Variants in PSMD8 observed in about 807,000 individuals in gnomAD.
The protein encoded by PSMD8 is proteasome 26S subunit, non-ATPase 8.
PSMD8 carries 30 observed loss-of-function variants against 40.0 expected under a neutral mutation model. The observed-to-expected ratio is 0.75, with a 90% confidence interval of 0.56 to 1.02. The LOEUF (loss-of-function observed/expected upper bound fraction) is 1.02, where lower values mean the gene tolerates loss of function less well. Ranked by LOEUF, PSMD8 falls within the 50% of genes least tolerant of loss-of-function variation. The probability of loss-of-function intolerance (pLI) is 0.00; values close to 1 mark genes in which losing one functional copy is unlikely to be tolerated. For missense variants in PSMD8, 461 were observed against 463.9 expected (o/e 0.99, Z 0.06); for synonymous variants, 208 against 192.5 (o/e 1.08, Z -0.67).
Position 38,378,323 on chromosome 19 carries a change from C to T in PSMD8, c.537-917C>T, listed in dbSNP as rs563820265. On this transcript the variant is annotated intron_variant, in intron 3 of 6. Coordinates refer to ENST00000215071, the MANE Select transcript of PSMD8 (RefSeq NM_002812.5). ...GAGGTTGAGACCATCCTGGCTAACA[C>T]GGTGAAACCCTGTCTCTAAAAGAAA... 3.3e-5 allele frequency among the ~76,000 whole-genome samples: 5 copies of T among 151,420 alleles called. No homozygotes were observed. In the South Asian group the frequency reaches 6.3e-4, roughly 19 times the overall value.
At chr19:38,376,879 C>G (rs963176856) in intron 3 of PSMD8, among the ~76,000 whole-genome samples, 16 of 152,248 alleles carry the variant, frequency 1.1e-4, no homozygotes, top group Non-Finnish European at 2.1e-4. Context: ...GCTCACACCC[C>G]TCTGCCTGTG....
Position 38,379,197 on chromosome 19 carries a change from C to T in PSMD8, c.537-43C>T, listed in dbSNP as rs1352488997. 2 of 1,597,842 alleles carry T rather than the reference C, an allele frequency of 1.3e-6. 1 individual carries two copies. The highest frequency in any genetic ancestry group is 2.2e-5 in the South Asian group (2 of 89,300). ...GCCTGGGGTAGAGGGCTCGCTAGGC[C>T]CTTAAATCCTCCTTAACCTGCTTCC... On this transcript the variant is annotated intron_variant, in intron 3 of 6. Coordinates refer to ENST00000215071, the MANE Select transcript of PSMD8 (RefSeq NM_002812.5).
rs942309745 is a variant in PSMD8, at chr19:38,376,272, G to A, written c.433+40G>A. On this transcript the variant is annotated intron_variant, in intron 2 of 6. Transcript: ENST00000215071. ...GGTTGGTTGGGGGTGATAATCTGGG[G>A]GTCATGGCAGGAATGGTAGCACTGG... is the stretch of plus-strand genomic sequence containing the variant. 7.1e-6 allele frequency: 11 copies of A among 1,551,292 alleles called. No homozygotes were observed. In the African/African-American group the frequency reaches 1.2e-4, roughly 17 times the overall value.
Position 38,374,650 on chromosome 19 carries a change from C to G in PSMD8, c.49C>G (p.Arg17Gly). ...APRAPPRERRRATRGGLRQVV... is the reference protein window; with the variant it reads ...APRAPPRERRGATRGGLRQVV... Reference sequence around the variant, plus strand: ...GAGGGCGCCACCTCGAGAGCGACGGCGGGCTACCCGGGGCGGGCTGAGGCA... The same window carrying G: ...GAGGGCGCCACCTCGAGAGCGACGGGGGGCTACCCGGGGCGGGCTGAGGCA... Residue 17 changes from arginine (R) to glycine (G), a missense_variant, in exon 1 of 7, where the codon CGG (arginine) becomes GGG (glycine). Physicochemically the swap from Arg to Gly is moderately radical, Grantham distance 125 (BLOSUM62 -2). Transcript: ENST00000215071. 6 of 1,514,232 alleles carry G rather than the reference C, an allele frequency of 4.0e-6. No individual in the cohort carries two copies. The highest frequency in any genetic ancestry group is 4.4e-6 in the Non-Finnish European group (5 of 1,138,602). The allele number at this position is 1,514,232 out of a possible 1,614,324, so 93.8% of individuals were successfully genotyped here. A position where few individuals can be genotyped will look rare whatever the true frequency, so the allele number is the denominator to read the frequency against.
intron 4 of PSMD8, 74 bp downstream of exon 4, chr19:38,379,479 G>A (rs957016824): frequency 6.3e-5 from 95 of 1,509,078 alleles, no homozygotes; most frequent in Non-Finnish European, 7.9e-5. Context: ...GGGCTTTCCT[G>A]AAGGAGTGGC....
intron 1 of PSMD8, 67 bp from the exon 2 acceptor site, chr19:38,376,093 G>T: frequency 7.0e-7 from 1 of 1,419,992 alleles, no homozygotes; most frequent in Admixed American, 1.9e-5. Context: ...CCAGAGCGTA[G>T]AGCAGGTAAG....
rs369447667 is a variant in PSMD8 at position 38,374,773 on chromosome 19, C to T, written c.172C>T (p.Leu58Phe). ...RRRCRKSGGL[L>F]AASRKMAAAA... ...GCGCTGCCGTAAATCAGGCGGTCTG[C>T]TTGCCGCATCACGCAAGATGGCGGC... is the stretch of plus-strand genomic sequence containing the variant. The change falls in exon 1 of 7, where the codon CTT becomes TTT. Residue 58 changes from leucine (L) to phenylalanine (F), a missense_variant. By Grantham distance (22) the Leu-to-Phe change is conservative. This residue lies in a region of PSMD8 where 225 missense variants were observed against 142.7 expected (regional missense o/e 1.58). Coordinates refer to ENST00000215071, the MANE Select transcript of PSMD8 (RefSeq NM_002812.5). 1.5e-5 allele frequency: 23 copies of T among 1,568,120 alleles called. No homozygotes were observed. The African/African-American group carries it at 2.2e-4, about 15-fold the overall frequency.
Position 38,380,994 on chromosome 19 carries a change from T to C in PSMD8, c.798T>C (p.Thr266=), listed in dbSNP as rs1222455915. 1 of 1,575,562 alleles carries C rather than the reference T, an allele frequency of 6.3e-7. No individual in the cohort carries two copies. ...YTFFIDILLD[T]IRDEIAGCIE... ...TCTTCATTGACATCCTGCTCGACAC[T>C]ATCAGGTGCGTAGCGGGGCCGGGCC... Residue 266 remains threonine, a synonymous_variant, in exon 5 of 7, where the codon ACT becomes ACC. Transcript: ENST00000215071.
intron 3 of PSMD8, among the ~76,000 whole-genome samples, chr19:38,376,700 T>A (rs1264628970): frequency 5.3e-5 from 8 of 152,196 alleles, no homozygotes; most frequent in Admixed American, 6.5e-5. Context: ...ACCTTTCACG[T>A]GTCCTGGCCC....
In PSMD8 at chr19:38,379,367, A is replaced by G; in HGVS notation, c.664A>G (p.Thr222Ala). The change falls in exon 4 of 7, where the codon ACC becomes GCC. Residue 222 changes from threonine to alanine, a missense_variant. Physicochemically the swap from Thr to Ala is moderately conservative, Grantham distance 58 (BLOSUM62 0). Coordinates refer to ENST00000215071, the MANE Select transcript of PSMD8 (RefSeq NM_002812.5). The part of the protein sequence containing the change: ...LERLPAKDIQ[T>A]NVYIKHPVSL... ...GCGGCTGCCTGCCAAGGACATACAGACCAATGTCTACATCAAGCACCCAGT... is the reference window on the plus strand; with the variant it reads ...GCGGCTGCCTGCCAAGGACATACAGGCCAATGTCTACATCAAGCACCCAGT... 6.2e-7 allele frequency: 1 copy of G among 1,613,930 alleles called. No homozygotes were observed. The highest frequency in any genetic ancestry group is 8.5e-7 in the Non-Finnish European group (1 of 1,179,870).
In PSMD8 at chr19:38,382,568, C is replaced by T; in HGVS notation, c.915+340C>T. ...TGAGCACGAGCAACGCTTGGTGTTG[C>T]AGGAGGAGGGCTGGGACCAGGCTAT... is the stretch of plus-strand genomic sequence containing the variant. On this transcript the variant is annotated intron_variant, in intron 6 of 6. Coordinates refer to ENST00000215071, the MANE Select transcript of PSMD8 (RefSeq NM_002812.5). 5.8e-6 allele frequency: 3 copies of T among 519,176 alleles called. No homozygotes were observed. The South Asian group carries it at 8.5e-5, about 15-fold the overall frequency. 32.2% of individuals were successfully genotyped at this position (519,176 alleles called of 1,614,324 possible). A position where few individuals can be genotyped will look rare whatever the true frequency, so the allele number is the denominator to read the frequency against.
chr19:38,374,719 C>T lies in PSMD8; in HGVS notation c.118C>T (p.His40Tyr), dbSNP rs1215751346. 6.5e-7 allele frequency: 1 copy of T among 1,547,238 alleles called. No homozygotes were observed. Among genetic ancestry groups the T allele is most frequent in the Non-Finnish European group, 8.7e-7 (1 of 1,149,160 alleles). The change falls in exon 1 of 7, where the codon CAC becomes TAC. Residue 40 changes from histidine to tyrosine, a missense_variant. Physicochemically the swap from His to Tyr is moderately conservative, Grantham distance 83. This residue lies in a region of PSMD8 where 225 missense variants were observed against 142.7 expected (regional missense o/e 1.58). Coordinates refer to ENST00000215071, the MANE Select transcript of PSMD8 (RefSeq NM_002812.5). Reference sequence around the variant, plus strand: ...GGCCTTGGGCTCCACCTCTCGGCCCCACTTCCGCCGGGCAAGCGTTTGTAG... The same window carrying T: ...GGCCTTGGGCTCCACCTCTCGGCCCTACTTCCGCCGGGCAAGCGTTTGTAG... Reference protein sequence around the residue: ...PRALGSTSRPHFRRASVCRRR... With the variant: ...PRALGSTSRPYFRRASVCRRR...
chr19:38,381,050 G>T, intron 5 of PSMD8, 51 bp downstream of exon 5: 2 of 1,372,514 alleles, frequency 1.5e-6, no homozygotes, highest in African/African-American at 1.5e-5. Flanking sequence ...TTGGGCTTGA[G>T]TCGGACAGCT....
chr19:38,381,182 G>A (rs1174932404), intron 5 of PSMD8, 183 bp downstream of exon 5: 9 of 552,450 alleles, frequency 1.6e-5, no homozygotes, highest in East Asian at 1.3e-4. Context: ...TGTGGATAAC[G>A]GCTCTCATCT....
chr19:38,382,059 GA>G, intron 5 of PSMD8, 57 bp from the exon 6 acceptor site: 1 of 1,278,082 alleles, frequency 7.8e-7, no homozygotes, highest in Non-Finnish European at 1.1e-6. Flanking sequence ...GGTCTGGGGG[GA>G]CAGGTCCTGG....
rs1412692350 is a variant in PSMD8 at position 38,382,183 on chromosome 19, C to T, written c.870C>T (p.Ile290=). The T allele has an allele frequency of 1.3e-6, 2 of 1,596,582 alleles. No homozygotes were observed. Among genetic ancestry groups the T allele is most frequent in the Non-Finnish European group, 1.7e-6 (2 of 1,172,010 alleles). ...EKILFTEATR[I]LFFNTPKKMT... ...TCCTTTTCACTGAGGCCACCCGGATCCTCTTCTTCAACACACCCAAAAAGA... is the reference window on the plus strand; with the variant it reads ...TCCTTTTCACTGAGGCCACCCGGATTCTCTTCTTCAACACACCCAAAAAGA... The change falls in exon 6 of 7, where the codon ATC becomes ATT. Residue 290 remains isoleucine, a synonymous_variant. Coordinates refer to ENST00000215071, the MANE Select transcript of PSMD8 (RefSeq NM_002812.5).
Position 38,375,042 on chromosome 19 carries a change from G to A in PSMD8, c.360+81G>A, listed in dbSNP as rs534516936. On this transcript the variant is annotated intron_variant, in intron 1 of 6. Coordinates refer to ENST00000215071, the MANE Select transcript of PSMD8 (RefSeq NM_002812.5). ...GTGTCTGGACCCAACCAAGTCCCGG[G>A]CCGCGGAAGCCACCTCGGTGCCAGC... 3.3e-6 allele frequency: 5 copies of A among 1,509,472 alleles called. No individual in the cohort carries two copies. The East Asian group carries it at 7.4e-5, about 22-fold the overall frequency. The allele number at this position is 1,509,472 out of a possible 1,614,324, so 93.5% of individuals were successfully genotyped here.
chr19:38,378,389 T>G (rs531015854), intron 3 of PSMD8, among the ~76,000 whole-genome samples: 28 of 151,350 alleles, frequency 1.9e-4, no homozygotes, highest in Admixed American at 1.8e-3. Context: ...GCGCCTGTAG[T>G]CCCAGCTACT....
rs941420746 is a variant in PSMD8, at chr19:38,376,377, A to G, written c.459A>G (p.Gln153=). 53 of 1,552,438 alleles carry G rather than the reference A, an allele frequency of 3.4e-5. No individual in the cohort carries two copies. Among genetic ancestry groups the G allele is most frequent in the Non-Finnish European group, 4.1e-5 (47 of 1,147,424 alleles). Residue 153 remains glutamine (Q), a synonymous_variant, in exon 3 of 7, where the codon CAA becomes CAG. Coordinates refer to ENST00000215071, the MANE Select transcript of PSMD8 (RefSeq NM_002812.5). ...GTGACATACTGGAGATCGGGGCCCA[A>G]TGGAGCATCCTACGCAAGGACATCC... ...LARDILEIGA[Q]WSILRKDIPS... is the part of the protein sequence containing the mutation.
Sources: allele counts gnomAD v4.1 joint callset (sites outside exome capture counted in the v4.1 genomes callset), GRCh38; gene constraint gnomAD v4.1.1; regional missense constraint gnomAD v4.1.1; transcripts MANE v1.5; gene names NCBI Gene and HGNC (gene_info 2026-07-23, HGNC 2026-07-21).